ADARB2: variants seen among roughly 807,000 people sequenced by gnomAD.
ADARB2 encodes the protein inactive double-stranded RNA-specific editase B2.
A neutral mutation model predicts 62.2 loss-of-function variants in ADARB2; 25 were observed. The observed-to-expected ratio is 0.40, with a 90% confidence interval of 0.29 to 0.56. The LOEUF (loss-of-function observed/expected upper bound fraction) is 0.56, where lower values mean the gene tolerates loss of function less well. Ranked by LOEUF, ADARB2 falls within the 20% of genes least tolerant of loss-of-function variation. The pLI is 0.43. For missense variants in ADARB2, 1,071 were observed against 1,077.4 expected (o/e 0.99, Z 0.08); for synonymous variants, 572 against 500.8 (o/e 1.14, Z -1.90).
chr10:1,481,449 A>C (rs575475486), intron 1 of ADARB2, among the ~76,000 whole-genome samples: 1 of 152,390 alleles, frequency 6.6e-6, no homozygotes, highest in South Asian at 2.1e-4. Flanking sequence ...GAAGTAGATA[A>C]ATTCTACTTC....
chr10:1,451,339 T>A (rs2131901858), intron 1 of ADARB2, among the ~76,000 whole-genome samples: 1 of 151,950 alleles, frequency 6.6e-6, no homozygotes, highest in East Asian at 1.9e-4. Context: ...AACAGTGGAG[T>A]GTGCACCTCA....
intron 1 of ADARB2, among the ~76,000 whole-genome samples, chr10:1,546,318 T>C (rs1488372834): frequency 6.6e-6 from 1 of 152,214 alleles, no homozygotes; most frequent in African/African-American, 2.4e-5. Context: ...AGGATGTAGG[T>C]CAAAACCCTG....
chr10:1,504,577 G>C (rs1831812173), intron 1 of ADARB2, among the ~76,000 whole-genome samples: 1 of 152,204 alleles, frequency 6.6e-6, no homozygotes, highest in African/African-American at 2.4e-5. Context: ...CGTTCACATG[G>C]AGCTCCTGCC....
At chr10:1,532,753 C>G (rs1455386915) in intron 1 of ADARB2, among the ~76,000 whole-genome samples, 2 of 152,202 alleles carry the variant, frequency 1.3e-5, no homozygotes, top group Non-Finnish European at 2.9e-5. Flanking sequence ...GGACTCTTCT[C>G]CCAGTGGGTC....
chr10:1,682,315 C>T (rs1433132535), intron 1 of ADARB2, among the ~76,000 whole-genome samples: 1 of 152,208 alleles, frequency 6.6e-6, no homozygotes. Context: ...CCCGGGTTTC[C>T]TCCCATGCTT....
chr10:1,349,970 C>T (rs1832120040), intron 3 of ADARB2, among the ~76,000 whole-genome samples: 1 of 152,108 alleles, frequency 6.6e-6, no homozygotes, highest in Non-Finnish European at 1.5e-5. Flanking sequence ...AACTTGCCTC[C>T]TTCACTATGG....
rs188160647 is a variant in ADARB2 at position 1,242,106 on chromosome 10, C to T, written c.1361+25G>A. 10 of 1,581,292 alleles carry T rather than the reference C, an allele frequency of 6.3e-6. No individual in the cohort carries two copies. In the East Asian group the frequency reaches 2.0e-4, roughly 32 times the overall value. On this transcript the variant is annotated intron_variant, in intron 5 of 9. Transcript: ENST00000381312. ...CCCCCAGCCGCGGCGTCCGCCTTCC[C>T]TGGAGCCCGTCCCCAGCCGCTCACC...
chr10:1,605,752 T>G (rs11250660), intron 1 of ADARB2, among the ~76,000 whole-genome samples: 8,623 of 152,250 alleles, frequency 0.057, 477 homozygotes, highest in East Asian at 0.27. Flanking sequence ...GCTTTAGATG[T>G]CTCAATAACA....
intron 1 of ADARB2, among the ~76,000 whole-genome samples, chr10:1,610,383 C>G (rs143703231): frequency 5.3e-5 from 8 of 152,316 alleles, no homozygotes; most frequent in South Asian, 4.1e-4. Context: ...TCCCCTCTGT[C>G]CCCACACTCA....
chr10:1,429,903 C>T (rs1300805349), intron 1 of ADARB2, among the ~76,000 whole-genome samples: 1 of 152,128 alleles, frequency 6.6e-6, no homozygotes, highest in East Asian at 1.9e-4. Flanking sequence ...ATCTCCTTTC[C>T]TTGTTGCTAG....
intron 7 of ADARB2, among the ~76,000 whole-genome samples, chr10:1,214,457 C>T (rs1384437158): frequency 7.4e-6 from 1 of 135,658 alleles, no homozygotes; most frequent in East Asian, 2.0e-4. Context: ...CTGTACCCAG[C>T]GTTGCGTGGG....
intron 1 of ADARB2, among the ~76,000 whole-genome samples, chr10:1,410,779 G>A (rs1832752937): frequency 6.6e-6 from 1 of 152,172 alleles, no homozygotes; most frequent in African/African-American, 2.4e-5. Context: ...AATCGTCGGT[G>A]CAATTTTACC....
intron 1 of ADARB2, among the ~76,000 whole-genome samples, chr10:1,424,802 G>A (rs904961309): frequency 6.6e-6 from 1 of 152,186 alleles, no homozygotes; most frequent in East Asian, 1.9e-4. Flanking sequence ...TTGAGAGGAC[G>A]ATCTGTCATC....
At chr10:1,681,676 G>A (rs1166146844) in intron 1 of ADARB2, among the ~76,000 whole-genome samples, 6 of 152,124 alleles carry the variant, frequency 3.9e-5, no homozygotes, top group African/African-American at 1.4e-4. Flanking sequence ...CCTCCAGTGA[G>A]CAGAGCTCTC....
At chr10:1,651,643 A>G (rs1026941742) in intron 1 of ADARB2, among the ~76,000 whole-genome samples, 2 of 152,122 alleles carry the variant, frequency 1.3e-5, no homozygotes, top group Non-Finnish European at 2.9e-5. Context: ...GCTGTTCATC[A>G]TTTGTAATTA....
rs1404143136 is a variant in ADARB2 at position 1,558,614 on chromosome 10, CCATCTAAACT to C, written c.100+178427_100+178436del. On this transcript the variant is annotated intron_variant, in intron 1 of 9. Coordinates refer to ENST00000381312, the MANE Select transcript of ADARB2 (RefSeq NM_018702.4). Reference sequence around the variant, plus strand: ...TGTGGGTGCTCAGCCCCTGCATGCTCCATCTAAACTCGAATCCCACCTCTGCCCCCCTCCG... The same window carrying C: ...TGTGGGTGCTCAGCCCCTGCATGCTCCGAATCCCACCTCTGCCCCCCTCCG... 8.3e-4 allele frequency among the ~76,000 whole-genome samples: 111 copies of C among 134,102 alleles called. 3 individuals carry two copies. Among genetic ancestry groups the C allele is most frequent in the East Asian group, 1.9e-3 (9 of 4,698 alleles). The allele number at this position is 134,102 out of a possible 152,430, so 88.0% of individuals were successfully genotyped here.
chr10:1,677,282 C>T (rs1344730959), intron 1 of ADARB2, among the ~76,000 whole-genome samples: 3 of 152,220 alleles, frequency 2.0e-5, no homozygotes, highest in Non-Finnish European at 2.9e-5. Flanking sequence ...GCTGCCGACT[C>T]GGACCACTCT....
At chr10:1,646,441 A>G (rs1834043346) in intron 1 of ADARB2, among the ~76,000 whole-genome samples, 2 of 152,380 alleles carry the variant, frequency 1.3e-5, no homozygotes, top group South Asian at 2.1e-4. Context: ...GAATAGGAAG[A>G]GAGCAAATCA....
intron 1 of ADARB2, among the ~76,000 whole-genome samples, chr10:1,425,430 G>C (rs1380207345): frequency 2.0e-5 from 3 of 152,202 alleles, no homozygotes; most frequent in Non-Finnish European, 4.4e-5. Context: ...ATGTTGCTTT[G>C]ATTGAATCAA....
Sources: gnomAD v4.1 joint callset for allele counts (sites outside exome capture counted in the v4.1 genomes callset) on GRCh38, gnomAD v4.1.1 for gene constraint, MANE v1.5 for transcripts, NCBI Gene and HGNC (gene_info 2026-07-23, HGNC 2026-07-21) for gene names.